RIOK1: variants seen among roughly 807,000 people sequenced by gnomAD.
RIOK1 encodes RIO kinase 1.
In RIOK1, 66 loss-of-function variants were observed where a neutral mutation model predicts 73.5. That is an observed-to-expected ratio of 0.90 (90% CI 0.74 to 1.10). The LOEUF is 1.10. RIOK1 is among the 50% of genes least tolerant of loss of function. The pLI is 0.00. For synonymous variants in RIOK1, 224 were observed against 226.8 expected (o/e 0.99, Z 0.11); for missense variants, 658 against 699.8 (o/e 0.94, Z 0.67).
rs997993290 is a variant in RIOK1, at chr6:7,390,173, G to T, written c.71+100G>T. Reference sequence around the variant, plus strand: ...TTTGCGGTTTAGAGGGAGACTAGTGGTTCATCACTCAGCGTCTCTCTTGAC... The same window carrying T: ...TTTGCGGTTTAGAGGGAGACTAGTGTTTCATCACTCAGCGTCTCTCTTGAC... On this transcript the variant is annotated intron_variant, in intron 1 of 16. Coordinates refer to ENST00000379834, the MANE Select transcript of RIOK1 (RefSeq NM_031480.3). The T allele has an allele frequency of 9.4e-5, 90 of 957,774 alleles. No homozygotes were observed. The African/African-American group carries it at 1.5e-3, about 16-fold the overall frequency. 59.3% of individuals were successfully genotyped at this position (957,774 alleles called of 1,614,324 possible).
chr6:7,415,625 C>T (rs1331705231), intron 16 of RIOK1, among the ~76,000 whole-genome samples: 1 of 152,184 alleles, frequency 6.6e-6, no homozygotes, highest in Non-Finnish European at 1.5e-5. Context: ...CAGTTGATGG[C>T]ACCATGTTGC....
At position 7,402,473 on chromosome 6, in the gene RIOK1, T is replaced by C. The variant is rs187692497; in HGVS notation, c.574-130T>C. 8 of 610,736 alleles carry C rather than the reference T, an allele frequency of 1.3e-5. No homozygotes were observed. In the Admixed American group the frequency reaches 2.0e-4, roughly 16 times the overall value. The allele number at this position is 610,736 out of a possible 1,614,324, so 37.8% of individuals were successfully genotyped here. A position where few individuals can be genotyped will look rare whatever the true frequency, so the allele number is the denominator to read the frequency against. ...AATGTTTTACATTTTAATTCACATATTCAAAAGACAGTGGTATTCCTTATG... is the reference window on the plus strand; with the variant it reads ...AATGTTTTACATTTTAATTCACATACTCAAAAGACAGTGGTATTCCTTATG... On this transcript the variant is annotated intron_variant, in intron 6 of 16. Coordinates refer to ENST00000379834, the MANE Select transcript of RIOK1 (RefSeq NM_031480.3).
intron 2 of RIOK1, among the ~76,000 whole-genome samples, chr6:7,393,532 A>G (rs1169401997): frequency 6.6e-6 from 1 of 152,190 alleles, no homozygotes; most frequent in East Asian, 1.9e-4. Context: ...AGTTATAAAG[A>G]TTGTGAGCTT....
intron 13 of RIOK1, 31 bp from the exon 14 acceptor site, chr6:7,411,301 C>G: frequency 6.2e-7 from 1 of 1,610,174 alleles, no homozygotes; most frequent in South Asian, 1.1e-5. Context: ...GTATGAATAA[C>G]AGTTTTGATT....
Position 7,404,495 on chromosome 6 carries a change from T to C in RIOK1, c.932T>C (p.Met311Thr). ...RELYLQVIQYMRRMYQDARLV... is the reference protein window; with the variant it reads ...RELYLQVIQYTRRMYQDARLV... ...TTGTACCTGCAGGTCATTCAGTACA[T>C]GAGAAGAATGTATCAGGATGCCAGA... Residue 311 changes from methionine to threonine, a missense_variant, in exon 10 of 17, where the codon ATG becomes ACG. Transcript: ENST00000379834. The C allele has an allele frequency of 6.2e-7, 1 of 1,613,410 alleles. No individual in the cohort carries two copies. The highest frequency in any genetic ancestry group is 8.5e-7 in the Non-Finnish European group (1 of 1,179,320).
At chr6:7,417,253 A>G (rs1490307490) in intron 16 of RIOK1, 78 bp from the exon 17 acceptor site, 4 of 921,224 alleles carry the variant, frequency 4.3e-6, no homozygotes, top group Non-Finnish European at 6.4e-6. Context: ...CTGTCTAAAA[A>G]ACAAAAAACA....
chr6:7,412,817 A>G (rs1761918739), intron 14 of RIOK1, 72 bp from the exon 15 acceptor site: 1 of 686,672 alleles, frequency 1.5e-6, no homozygotes, highest in South Asian at 2.4e-5. Context: ...TGTTCTTAAT[A>G]GTGCAATATG....
intron 14 of RIOK1, among the ~76,000 whole-genome samples, chr6:7,412,235 C>T (rs1189013078): frequency 1.3e-5 from 2 of 150,290 alleles, no homozygotes; most frequent in African/African-American, 4.9e-5. Context: ...GTGGCGTGCT[C>T]CTGTAATCCA....
At chr6:7,404,599 G>A (rs770199140) in intron 10 of RIOK1, 44 bp downstream of exon 10, 52 of 1,598,064 alleles carry the variant, frequency 3.3e-5, no homozygotes, top group South Asian at 6.7e-5. Flanking sequence ...CAGTTGTTTC[G>A]TGTCCTTTAA....
chr6:7,412,900 G>C lies in RIOK1; in HGVS notation c.1401G>C (p.Gln467His), dbSNP rs772345295. ...ATTTTGGTTATAAGATTCTATACCA[G>C]ACTGTTACAGGATTGAAGAAAGATT... The part of the protein sequence containing the change: ...MNAQQDNILY[Q>H]TVTGLKKDLS... The change falls in exon 15 of 17, where the codon CAG (glutamine) becomes CAC (histidine). Residue 467 changes from glutamine to histidine, a missense_variant. Transcript: ENST00000379834. 1 of 1,534,058 alleles carries C rather than the reference G, an allele frequency of 6.5e-7. No individual in the cohort carries two copies. The highest frequency in any genetic ancestry group is 1.4e-5 in the African/African-American group (1 of 69,978).
intron 14 of RIOK1, 130 bp downstream of exon 14, chr6:7,411,581 C>A: frequency 1.1e-6 from 1 of 944,934 alleles, no homozygotes; most frequent in Non-Finnish European, 1.6e-6. Context: ...ATGACTAACT[C>A]TATCTGTGTT....
intron 1 of RIOK1, among the ~76,000 whole-genome samples, chr6:7,392,694 C>T (rs1422562351): frequency 6.6e-6 from 1 of 151,976 alleles, no homozygotes; most frequent in African/African-American, 2.4e-5. Flanking sequence ...TTTTTTCCCC[C>T]TTTCTTTTTT....
In RIOK1 at chr6:7,396,246, C is replaced by T. The variant is rs573182636; in HGVS notation, c.368-457C>T. On this transcript the variant is annotated intron_variant, in intron 3 of 16. Transcript: ENST00000379834. ...ATTCTTGTGGATCTTCACTCTAAAC[C>T]TAACACAGTGTTTCTCATATAAGCT... Among the ~76,000 whole-genome samples, 7 of 152,264 alleles carry T rather than the reference C, an allele frequency of 4.6e-5. No individual in the cohort carries two copies. In the East Asian group the frequency reaches 1.2e-3, roughly 25 times the overall value.
Position 7,403,988 on chromosome 6 carries a change from G to T in RIOK1, c.815G>T (p.Ser272Ile). ...TGTCCAGAACCAATAATGCTAAGAA[G>T]TCATGTTCTTGTCATGAGTTTCATC... Reference protein sequence around the residue: ...IPCPEPIMLRSHVLVMSFIGK... With the variant: ...IPCPEPIMLRIHVLVMSFIGK... Residue 272 changes from serine (S) to isoleucine (I), a missense_variant, in exon 9 of 17, where the codon AGT (serine) becomes ATT (isoleucine). Physicochemically the swap from Ser to Ile is moderately radical, Grantham distance 142. Transcript: ENST00000379834. 6.2e-7 allele frequency: 1 copy of T among 1,612,514 alleles called. No individual in the cohort carries two copies. Among genetic ancestry groups the T allele is most frequent in the Non-Finnish European group, 8.5e-7 (1 of 1,179,074 alleles).
At chr6:7,404,811 G>T in intron 10 of RIOK1, 107 bp from the exon 11 acceptor site, 3 of 1,027,196 alleles carry the variant, frequency 2.9e-6, no homozygotes, top group Non-Finnish European at 4.4e-6. Context: ...TATCTACCTT[G>T]GTGATTTTGT....
At chr6:7,399,008 A>G (rs1019470602) in intron 5 of RIOK1, among the ~76,000 whole-genome samples, 3 of 152,160 alleles carry the variant, frequency 2.0e-5, no homozygotes, top group African/African-American at 7.2e-5. Context: ...CAGACCAGCA[A>G]TCTTTTAGAA....
intron 1 of RIOK1, among the ~76,000 whole-genome samples, chr6:7,391,199 T>C (rs539595523): frequency 6.6e-6 from 1 of 152,344 alleles, no homozygotes; most frequent in South Asian, 2.1e-4. Flanking sequence ...TCAATAAATA[T>C]ATGTATGTTG....
At position 7,417,697 on chromosome 6, in the gene RIOK1, T is replaced by G. The variant is rs1050504637; in HGVS notation, c.*256T>G. Reference sequence around the variant, plus strand: ...TATTTTAATAAAGAACTTTGTACATTTTTATTTTTATATTTTTTTCTCTTA... The same window carrying G: ...TATTTTAATAAAGAACTTTGTACATGTTTATTTTTATATTTTTTTCTCTTA... On this transcript the variant is annotated 3_prime_UTR_variant, in exon 17 of 17. Transcript: ENST00000379834. The G allele has an allele frequency of 4.2e-6, 1 of 236,606 alleles. No individual in the cohort carries two copies. Among genetic ancestry groups the G allele is most frequent in the African/African-American group, 2.3e-5 (1 of 44,272 alleles). The allele number at this position is 236,606 out of a possible 1,614,324, so 14.7% of individuals were successfully genotyped here.
chr6:7,404,324 A>G, intron 9 of RIOK1, 94 bp from the exon 10 acceptor site: 2 of 1,378,808 alleles, frequency 1.5e-6, no homozygotes, highest in Non-Finnish European at 2.0e-6. Context: ...TACAGCTCAC[A>G]TGATGAGTTG....
Sources: gnomAD v4.1 joint callset for allele counts (sites outside exome capture counted in the v4.1 genomes callset) on GRCh38, gnomAD v4.1.1 for gene constraint, MANE v1.5 for transcripts, NCBI Gene and HGNC (gene_info 2026-07-23, HGNC 2026-07-21) for gene names.